WASF2: variants seen among roughly 807,000 people sequenced by gnomAD.
The protein encoded by WASF2 is WASP family member 2, also known as actin-binding protein WASF2.
In WASF2, 14 loss-of-function variants were observed where a neutral mutation model predicts 45.0. That is an observed-to-expected ratio of 0.31 (90% CI 0.21 to 0.49). The LOEUF (loss-of-function observed/expected upper bound fraction) is 0.49, where lower values mean the gene tolerates loss of function less well. Ranked by LOEUF, WASF2 falls within the 20% of genes least tolerant of loss-of-function variation. WASF2 has a pLI of 0.99. For missense variants in WASF2, 439 were observed against 636.1 expected (o/e 0.69, Z 3.33); for synonymous variants, 200 against 236.3 (o/e 0.85, Z 1.41).
intron 8 of WASF2, among the ~76,000 whole-genome samples, chr1:27,409,070 A>G (rs938603055): frequency 6.6e-6 from 1 of 152,110 alleles, no homozygotes; most frequent in African/African-American, 2.4e-5. Context: ...AAGGAAAAAA[A>G]AATGCATGCA....
intron 1 of WASF2, among the ~76,000 whole-genome samples, chr1:27,477,883 A>G (rs1480453284): frequency 7.1e-6 from 1 of 141,002 alleles, no homozygotes; most frequent in East Asian, 2.0e-4. Flanking sequence ...TGGGCTACAG[A>G]GCGAGACTCC....
rs999715608 is a variant in WASF2 at position 27,406,202 on chromosome 1, T to C, written c.*1987A>G. ...ATTTTAGGGTTCTGATGAAAGCACC[T>C]TCGGCTTCTAAGGTGCAGGCTGGGA... On this transcript the variant is annotated 3_prime_UTR_variant, in exon 9 of 9. Transcript: ENST00000618852. 6.6e-6 allele frequency: 1 copy of C among 152,652 alleles called. No individual in the cohort carries two copies. Among genetic ancestry groups the C allele is most frequent in the Admixed American group, 6.5e-5 (1 of 15,290 alleles). 9.5% of individuals were successfully genotyped at this position (152,652 alleles called of 1,614,324 possible). A position where few individuals can be genotyped will look rare whatever the true frequency, so the allele number is the denominator to read the frequency against.
Position 27,408,029 on chromosome 1 carries a change from G to T in WASF2, c.*160C>A. Reference sequence around the variant, plus strand: ...GAGAGGAAATACATGTTGACTTGGAGGAAGCACTTGGATATATCTTTGGTT... The same window carrying T: ...GAGAGGAAATACATGTTGACTTGGATGAAGCACTTGGATATATCTTTGGTT... On this transcript the variant is annotated 3_prime_UTR_variant, in exon 9 of 9. Transcript: ENST00000618852. 1 of 790,572 alleles carries T rather than the reference G, an allele frequency of 1.3e-6. No homozygotes were observed. The allele number at this position is 790,572 out of a possible 1,614,324, so 49.0% of individuals were successfully genotyped here. A position where few individuals can be genotyped will look rare whatever the true frequency, so the allele number is the denominator to read the frequency against.
At position 27,428,655 on chromosome 1, in the gene WASF2, A is replaced by C. The variant is rs903127851; in HGVS notation, c.130+106T>G. ...GGGAGGATACATTTTCGCATTACCTAGGGAAGGCAGATGGGGGAGAAATAG... is the reference window on the plus strand; with the variant it reads ...GGGAGGATACATTTTCGCATTACCTCGGGAAGGCAGATGGGGGAGAAATAG... On this transcript the variant is annotated intron_variant, in intron 2 of 8. Transcript: ENST00000618852. The C allele has an allele frequency of 1.9e-6, 3 of 1,567,690 alleles. No individual in the cohort carries two copies. The African/African-American group carries it at 4.1e-5, about 21-fold the overall frequency.
chr1:27,414,700 G>A lies in WASF2; in HGVS notation c.668+133C>T. 1 of 1,205,736 alleles carries A rather than the reference G, an allele frequency of 8.3e-7. No homozygotes were observed. The highest frequency in any genetic ancestry group is 1.2e-6 in the Non-Finnish European group (1 of 867,268). The allele number at this position is 1,205,736 out of a possible 1,614,324, so 74.7% of individuals were successfully genotyped here. A position where few individuals can be genotyped will look rare whatever the true frequency, so the allele number is the denominator to read the frequency against. ...CAGATGGATGCACTTTAAAGTAGCT[G>A]ATTAACAGTGGTATTGATCTAAGCC... On this transcript the variant is annotated intron_variant, in intron 6 of 8. Coordinates refer to ENST00000618852, the MANE Select transcript of WASF2 (RefSeq NM_006990.5). This position sits in a 1 kb window ranked among gnomAD's most constrained non-coding sequence, Gnocchi z 4.1.
intron 1 of WASF2, among the ~76,000 whole-genome samples, chr1:27,442,451 G>A (rs1013579467): frequency 6.6e-6 from 1 of 151,624 alleles, no homozygotes; most frequent in East Asian, 2.0e-4. Context: ...GGCTGAGGCA[G>A]AAGAATCGCT....
At chr1:27,438,072 T>C (rs11800762) in intron 1 of WASF2, among the ~76,000 whole-genome samples, 4,876 of 152,226 alleles carry the variant, frequency 0.032, 256 homozygotes, top group African/African-American at 0.11. Context: ...CCCAGAAATT[T>C]GAGATAAGAG....
At chr1:27,460,680 T>A (rs1162656495) in intron 1 of WASF2, among the ~76,000 whole-genome samples, 5 of 152,186 alleles carry the variant, frequency 3.3e-5, no homozygotes, top group Admixed American at 2.6e-4. Flanking sequence ...ATGTTCAGCG[T>A]CCAATCATAG....
At chr1:27,484,435 G>A (rs2017895532) in intron 1 of WASF2, among the ~76,000 whole-genome samples, 1 of 152,060 alleles carries the variant, frequency 6.6e-6, no homozygotes, top group Non-Finnish European at 1.5e-5. Flanking sequence ...ACCAAGATGT[G>A]CAAATTGTGG....
chr1:27,408,606 G>A (rs2016712511), intron 8 of WASF2, among the ~76,000 whole-genome samples: 1 of 152,198 alleles, frequency 6.6e-6, no homozygotes, highest in Admixed American at 6.5e-5. Context: ...ATAAGGCTTT[G>A]AAGTGGGGAG....
intron 1 of WASF2, among the ~76,000 whole-genome samples, chr1:27,468,200 A>G (rs944999139): frequency 6.6e-6 from 1 of 152,162 alleles, no homozygotes; most frequent in Non-Finnish European, 1.5e-5. Flanking sequence ...AACACTCTCT[A>G]GATCTAACAA....
chr1:27,471,206 G>A (rs2017683397), intron 1 of WASF2, among the ~76,000 whole-genome samples: 3 of 151,436 alleles, frequency 2.0e-5, no homozygotes. Flanking sequence ...TTAGCCGGGC[G>A]TAGTGGCGGG....
chr1:27,415,668 T>C (rs1227765620), intron 5 of WASF2, among the ~76,000 whole-genome samples: 1 of 152,188 alleles, frequency 6.6e-6, no homozygotes, highest in Non-Finnish European at 1.5e-5. Context: ...GAGAAGGGAC[T>C]AGCCTAGCTT....
chr1:27,468,903 C>T (rs2017651928), intron 1 of WASF2, among the ~76,000 whole-genome samples: 1 of 127,480 alleles, frequency 7.8e-6, no homozygotes, highest in Non-Finnish European at 1.6e-5. Flanking sequence ...AGCCTGGCAA[C>T]AGAGTGGGAC....
At chr1:27,463,350 C>T (rs1367501705) in intron 1 of WASF2, among the ~76,000 whole-genome samples, 2 of 151,974 alleles carry the variant, frequency 1.3e-5, no homozygotes, top group African/African-American at 4.8e-5. Flanking sequence ...GTGATACTGG[C>T]CGGATGCGGT....
chr1:27,443,832 G>A (rs2017277590), intron 1 of WASF2, among the ~76,000 whole-genome samples: 1 of 151,588 alleles, frequency 6.6e-6, no homozygotes, highest in South Asian at 2.1e-4. Context: ...CGGCTGGAGT[G>A]CAGGGGGGGG....
rs185228556 is a variant in WASF2 at position 27,446,215 on chromosome 1, T to C, written c.-43-17282A>G. The stretch of plus-strand genomic sequence containing the variant: ...AATATTTTAAATTAACCTTTGACAT[T>C]AGAAAAATGCAAGAAACTGGTATCT... On this transcript the variant is annotated intron_variant, in intron 1 of 8. Transcript: ENST00000618852. 9.1e-4 allele frequency among the ~76,000 whole-genome samples: 138 copies of C among 152,242 alleles called. No homozygotes were observed. The Middle Eastern group carries it at 0.01, about 11-fold the overall frequency.
chr1:27,443,290 A>G (rs1413658279), intron 1 of WASF2, among the ~76,000 whole-genome samples: 3 of 141,546 alleles, frequency 2.1e-5, no homozygotes, highest in Non-Finnish European at 3.0e-5. Context: ...AGGCAACAAG[A>G]GCAAGACACC....
rs147834515 is a variant in WASF2, at chr1:27,453,522, G to A, written c.-43-24589C>T. Among the ~76,000 whole-genome samples the A allele has an allele frequency of 4.0e-3, 608 of 151,016 alleles. 13 individuals are homozygous for A. The highest frequency in any genetic ancestry group is 0.015 in the East Asian group (75 of 5,110). On this transcript the variant is annotated intron_variant, in intron 1 of 8. Coordinates refer to ENST00000618852, the MANE Select transcript of WASF2 (RefSeq NM_006990.5). Reference sequence around the variant, plus strand: ...CAGGAGAATTTCTTGAACCCAGGAGGCAGAGGTTGCCGTGAGTGGAGATCA... The same window carrying A: ...CAGGAGAATTTCTTGAACCCAGGAGACAGAGGTTGCCGTGAGTGGAGATCA...
Sources: gnomAD v4.1 joint callset for allele counts (sites outside exome capture counted in the v4.1 genomes callset) on GRCh38, gnomAD v4.1.1 for gene constraint, Gnocchi (gnomAD v3.1) non-coding constraint, MANE v1.5 for transcripts, NCBI Gene and HGNC (gene_info 2026-07-23, HGNC 2026-07-21) for gene names.